RASGEF1C: variants seen among roughly 807,000 people sequenced by gnomAD.
The protein encoded by RASGEF1C is ras-GEF domain-containing family member 1C.
RASGEF1C carries 27 observed loss-of-function variants against 58.1 expected under a neutral mutation model. The observed-to-expected ratio is 0.46, with a 90% CI of 0.34 to 0.64. RASGEF1C has a LOEUF of 0.64. Ranked by LOEUF, RASGEF1C falls within the 30% of genes least tolerant of loss-of-function variation. The pLI, the probability that RASGEF1C is intolerant of heterozygous loss-of-function variation, is 0.01. For missense variants in RASGEF1C, 502 were observed against 605.1 expected, an observed-to-expected ratio of 0.83 and a Z score of 1.79; for synonymous variants, 243 against 246.3, an observed-to-expected ratio of 0.99 and a Z score of 0.13.
intron 4 of RASGEF1C, 95 bp downstream of exon 4, chr5:180,136,283 T>G (rs746589803): frequency 2.4e-6 from 3 of 1,260,516 alleles, no homozygotes; most frequent in Non-Finnish European, 2.2e-6. Context: ...GTGTGCAGGG[T>G]GGGGAGATGA....
intron 12 of RASGEF1C, among the ~76,000 whole-genome samples, chr5:180,109,704 A>G (rs563466127): frequency 2.0e-5 from 3 of 152,260 alleles, no homozygotes; most frequent in South Asian, 4.1e-4. Flanking sequence ...TGATGTGATG[A>G]TGGAAGGAGA....
At chr5:180,166,666 C>T (rs964318267) in intron 1 of RASGEF1C, among the ~76,000 whole-genome samples, 2 of 152,104 alleles carry the variant, frequency 1.3e-5, no homozygotes, top group Non-Finnish European at 2.9e-5. Flanking sequence ...CAGGCACCCA[C>T]CACCATGCCC....
At chr5:180,150,735 G>A (rs1766732348) in intron 1 of RASGEF1C, among the ~76,000 whole-genome samples, 1 of 152,126 alleles carries the variant, frequency 6.6e-6, no homozygotes, top group Non-Finnish European at 1.5e-5. Flanking sequence ...GCAGAAGAAG[G>A]AAATAAAGGG....
chr5:180,208,799 C>A (rs760036813), intron 1 of RASGEF1C, among the ~76,000 whole-genome samples: 1 of 151,662 alleles, frequency 6.6e-6, no homozygotes, highest in African/African-American at 2.4e-5. Context: ...GGGTCTCCCG[C>A]CAGGTGGCCG....
rs1288934581 is a variant in RASGEF1C, at chr5:180,101,363, G to A, written c.*138C>T. On this transcript the variant is annotated 3_prime_UTR_variant, in exon 14 of 14. Transcript: ENST00000361132. ...CGTATGGCCACTGTGGGGGGGGGGG[G>A]GGCGGGCAGCAGGCCACAGGGTCGG... The A allele has an allele frequency of 5.3e-6, 5 of 935,702 alleles. No homozygotes were observed. The highest frequency in any genetic ancestry group is 3.0e-5 in the South Asian group (2 of 65,734). The allele number at this position is 935,702 out of a possible 1,614,324, so 58.0% of individuals were successfully genotyped here.
At chr5:180,162,724 A>G (rs962432576) in intron 1 of RASGEF1C, among the ~76,000 whole-genome samples, 4 of 152,162 alleles carry the variant, frequency 2.6e-5, no homozygotes, top group Non-Finnish European at 5.9e-5. Flanking sequence ...GCCTTTCTAT[A>G]TACATTTTAG....
At chr5:180,146,791 C>A (rs1260381822) in intron 1 of RASGEF1C, among the ~76,000 whole-genome samples, 1 of 152,148 alleles carries the variant, frequency 6.6e-6, no homozygotes, top group East Asian at 1.9e-4. Context: ...GTGCTTCTGT[C>A]TGGCTTTGGT....
chr5:180,177,400 G>A lies in RASGEF1C; in HGVS notation c.-7+31628C>T, dbSNP rs1048215115. Among the ~76,000 whole-genome samples, 1 of 152,176 alleles carries A rather than the reference G, an allele frequency of 6.6e-6. No individual in the cohort carries two copies. The highest frequency in any genetic ancestry group is 1.5e-5 in the Non-Finnish European group (1 of 68,040). On this transcript the variant is annotated intron_variant, in intron 1 of 13. Coordinates refer to ENST00000361132, the MANE Select transcript of RASGEF1C (RefSeq NM_175062.4). The surrounding 1 kb of genome is among the most constrained non-coding windows in gnomAD (Gnocchi z 5.0). ...CTTAGTCCCAGCAGCCCCAGCAAAA[G>A]CTCTTCGGTGAGTGCCTGCGCAATC...
In RASGEF1C at chr5:180,136,385, C is replaced by T; in HGVS notation, c.431G>A (p.Cys144Tyr). The T allele has an allele frequency of 6.4e-7, 1 of 1,556,164 alleles. No individual in the cohort carries two copies. Among genetic ancestry groups the T allele is most frequent in the South Asian group, 1.2e-5 (1 of 84,424 alleles). Reference protein sequence around the residue: ...LKDVVGRIAPCDEAYRKRMHQ... With the variant: ...LKDVVGRIAPYDEAYRKRMHQ... ...CCCCGCCCAGCTGCCCACCTCGTCACAGGGGGCGATGCGGCCCACGACGTC... is the reference window on the plus strand; with the variant it reads ...CCCCGCCCAGCTGCCCACCTCGTCATAGGGGGCGATGCGGCCCACGACGTC... Residue 144 changes from cysteine to tyrosine, a missense_variant, in exon 4 of 14, where the codon TGT becomes TAT. By Grantham distance (194) the Cys-to-Tyr change is radical (BLOSUM62 -2). Transcript: ENST00000361132.
In RASGEF1C at chr5:180,143,848, C is replaced by T. The variant is rs1388355719; in HGVS notation, c.-6-5790G>A. 6.6e-6 allele frequency among the ~76,000 whole-genome samples: 1 copy of T among 152,120 alleles called. No homozygotes were observed. The highest frequency in any genetic ancestry group is 2.4e-5 in the African/African-American group (1 of 41,428). ...AAACATCTGCAAAATGGAAATCCAT[C>T]GAACTTGCAGAAGAAAAGCAGGTGG... On this transcript the variant is annotated intron_variant, in intron 1 of 13. Coordinates refer to ENST00000361132, the MANE Select transcript of RASGEF1C (RefSeq NM_175062.4). The surrounding 1 kb of genome is among the most constrained non-coding windows in gnomAD (Gnocchi z 4.3).
At chr5:180,106,336 T>A (rs1305189939) in intron 12 of RASGEF1C, among the ~76,000 whole-genome samples, 1 of 152,240 alleles carries the variant, frequency 6.6e-6, no homozygotes, top group African/African-American at 2.4e-5. Flanking sequence ...TTTGAGTTTA[T>A]TTTGCTCCTC....
intron 1 of RASGEF1C, among the ~76,000 whole-genome samples, chr5:180,180,829 T>G (rs769500726): frequency 3.9e-5 from 6 of 152,178 alleles, no homozygotes; most frequent in Non-Finnish European, 5.9e-5. Flanking sequence ...AGCACCCAGA[T>G]TGAGAAGCAG....
intron 1 of RASGEF1C, among the ~76,000 whole-genome samples, chr5:180,184,164 GAAATAAATAAATAAAAAT>G (rs1382158667): frequency 1.4e-4 from 20 of 146,682 alleles, no homozygotes; most frequent in East Asian, 8.1e-4. Flanking sequence ...ACTCCATCTT[GAAATAAATAAATAAAAAT>G]AAATAAATAA....
chr5:180,119,951 G>A (rs758008477), intron 7 of RASGEF1C, among the ~76,000 whole-genome samples: 8 of 152,114 alleles, frequency 5.3e-5, no homozygotes, highest in East Asian at 3.9e-4. Context: ...CCTGTGATGC[G>A]CAGAACCACA....
rs182843192 is a variant in RASGEF1C at position 180,182,039 on chromosome 5, T to C, written c.-7+26989A>G. 4.9e-3 allele frequency among the ~76,000 whole-genome samples: 746 copies of C among 151,036 alleles called. 6 individuals carry two copies. Among genetic ancestry groups the C allele is most frequent in the Non-Finnish European group, 6.2e-3 (423 of 67,792 alleles). On this transcript the variant is annotated intron_variant, in intron 1 of 13. Coordinates refer to ENST00000361132, the MANE Select transcript of RASGEF1C (RefSeq NM_175062.4). ...TAACACGGTGAAACCCCGTCTCTAC[T>C]AAAAATACAAAAAAAATTAGCCGGG...
rs1000235480 is a variant in RASGEF1C at position 180,127,480 on chromosome 5, C to A, written c.714+129G>T. The A allele has an allele frequency of 6.5e-6, 5 of 767,974 alleles. No homozygotes were observed. The Admixed American group carries it at 1.5e-4, about 23-fold the overall frequency. The allele number at this position is 767,974 out of a possible 1,614,324, so 47.6% of individuals were successfully genotyped here. A position where few individuals can be genotyped will look rare whatever the true frequency, so the allele number is the denominator to read the frequency against. On this transcript the variant is annotated intron_variant, in intron 6 of 13. Coordinates refer to ENST00000361132, the MANE Select transcript of RASGEF1C (RefSeq NM_175062.4). ...GAGGGGCGTGGCGGAGTGGGCAGGG[C>A]CCCCCGAGCCCACCTGTCCCACTCT... is the stretch of plus-strand genomic sequence containing the variant.
rs1469739324 is a variant in RASGEF1C, at chr5:180,197,945, G to A, written c.-7+11083C>T. On this transcript the variant is annotated intron_variant, in intron 1 of 13. Coordinates refer to ENST00000361132, the MANE Select transcript of RASGEF1C (RefSeq NM_175062.4). This position sits in a 1 kb window ranked among gnomAD's most constrained non-coding sequence, Gnocchi z 4.7. ...AGCGACATCCAATGCACGTAAAGCA[G>A]AAATTCCCCAATTAGGATGCTGGTG... Among the ~76,000 whole-genome samples the A allele has an allele frequency of 1.3e-5, 2 of 152,362 alleles. No individual in the cohort carries two copies. The highest frequency in any genetic ancestry group is 1.9e-4 in the East Asian group (1 of 5,180).
At chr5:180,190,655 T>A (rs1474000912) in intron 1 of RASGEF1C, among the ~76,000 whole-genome samples, 1 of 151,356 alleles carries the variant, frequency 6.6e-6, no homozygotes, top group Non-Finnish European at 1.5e-5. Flanking sequence ...GTGACAGAGC[T>A]AGACCCTGTC....
chr5:180,143,710 A>T lies in RASGEF1C; in HGVS notation c.-6-5652T>A, dbSNP rs995544079. On this transcript the variant is annotated intron_variant, in intron 1 of 13. Coordinates refer to ENST00000361132, the MANE Select transcript of RASGEF1C (RefSeq NM_175062.4). The surrounding 1 kb of genome is among the most constrained non-coding windows in gnomAD (Gnocchi z 4.3). ...TTTTTAAAAAGCCACTGATGGGGCC[A>T]CACAGTGAGTTAAAGCACAGTTAGA... Among the ~76,000 whole-genome samples the T allele has an allele frequency of 4.6e-5, 7 of 152,222 alleles. No homozygotes were observed. The highest frequency in any genetic ancestry group is 1.0e-4 in the Non-Finnish European group (7 of 68,040).
Sources: allele counts gnomAD v4.1 joint callset (sites outside exome capture counted in the v4.1 genomes callset), GRCh38; gene constraint gnomAD v4.1.1; non-coding constraint Gnocchi (gnomAD v3.1); transcripts MANE v1.5; gene names NCBI Gene and HGNC (gene_info 2026-07-23, HGNC 2026-07-21).